Variants in SESTD1 observed in about 807,000 individuals in gnomAD.
The protein encoded by SESTD1 is SEC14 and spectrin domain containing 1.
SESTD1 carries 43 observed loss-of-function variants against 101.7 expected under a neutral mutation model. The ratio of observed to expected loss-of-function variants is 0.42; its 90% confidence interval spans 0.33 to 0.55. The LOEUF is 0.55. Among genes scored for constraint, SESTD1 ranks in the 20% least tolerant of loss-of-function variants. SESTD1 has a pLI of 0.07. For missense variants in SESTD1, 647 were observed against 815.1 expected (o/e 0.79, Z 2.51); for synonymous variants, 283 against 286.8 (o/e 0.99, Z 0.13).
At chr2:179,187,718 G>C (rs933102733) in intron 2 of SESTD1, among the ~76,000 whole-genome samples, 1 of 152,070 alleles carries the variant, frequency 6.6e-6, no homozygotes, top group African/African-American at 2.4e-5. Context: ...CAGGTTCAAA[G>C]AAAAGGGTTG....
At chr2:179,261,693 C>T (rs1306266296) in intron 1 of SESTD1, among the ~76,000 whole-genome samples, 1 of 151,874 alleles carries the variant, frequency 6.6e-6, no homozygotes, top group Non-Finnish European at 1.5e-5. Context: ...ATTGCTATAA[C>T]CCTACATTGC....
rs1312354379 is a variant in SESTD1 at position 179,103,181 on chromosome 2, A to G, written c.*6718T>C. The G allele has an allele frequency of 6.6e-6, 1 of 152,168 alleles. No individual in the cohort carries two copies. Among genetic ancestry groups the G allele is most frequent in the Non-Finnish European group, 1.5e-5 (1 of 68,024 alleles). 9.4% of individuals were successfully genotyped at this position (152,168 alleles called of 1,614,324 possible). A position where few individuals can be genotyped will look rare whatever the true frequency, so the allele number is the denominator to read the frequency against. ...ATATTGCTAAAGTTTCAGGCATAGGAACCCCTTGAGGAGCTGTCTGGGGCA... is the reference window on the plus strand; with the variant it reads ...ATATTGCTAAAGTTTCAGGCATAGGGACCCCTTGAGGAGCTGTCTGGGGCA... On this transcript the variant is annotated 3_prime_UTR_variant, in exon 18 of 18. Transcript: ENST00000428443.
intron 1 of SESTD1, among the ~76,000 whole-genome samples, chr2:179,222,842 G>A (rs1287306927): frequency 6.6e-6 from 1 of 152,124 alleles, no homozygotes; most frequent in Non-Finnish European, 1.5e-5. Flanking sequence ...CTAGGCTCCT[G>A]CAACTCTGTC....
chr2:179,220,928 A>C (rs114272858), intron 1 of SESTD1, among the ~76,000 whole-genome samples: 3,212 of 152,294 alleles, frequency 0.021, 98 homozygotes, highest in African/African-American at 0.074. Context: ...ATTTAAATGC[A>C]TTCGGAACAG....
intron 1 of SESTD1, among the ~76,000 whole-genome samples, chr2:179,254,334 C>T (rs1011534487): frequency 1.3e-5 from 2 of 152,038 alleles, no homozygotes; most frequent in Admixed American, 6.5e-5. Context: ...CTTTTTCCAC[C>T]AACCTCCTTT....
At chr2:179,161,945 C>T (rs771749552) in intron 5 of SESTD1, among the ~76,000 whole-genome samples, 6 of 152,040 alleles carry the variant, frequency 3.9e-5, no homozygotes, top group African/African-American at 1.2e-4. Flanking sequence ...TTTTAGAGTA[C>T]TAAAGACATC....
rs1317723084 is a variant in SESTD1, at chr2:179,183,138, C to T, written c.106G>A (p.Glu36Lys). 6 of 1,611,822 alleles carry T rather than the reference C, an allele frequency of 3.7e-6. No individual in the cohort carries two copies. Among genetic ancestry groups the T allele is most frequent in the Admixed American group, 1.7e-5 (1 of 59,690 alleles). ...GLILTIPLCL[E>K]QTNMDELSVT... Reference sequence around the variant, plus strand: ...CTCAGCTCATCCATATTTGTCTGTTCGAGGCATAATGGAATTGTCAAAATG... The same window carrying T: ...CTCAGCTCATCCATATTTGTCTGTTTGAGGCATAATGGAATTGTCAAAATG... The change falls in exon 3 of 18, where the codon GAA becomes AAA. Residue 36 changes from glutamate to lysine, a missense_variant. Glu to Lys is a moderately conservative substitution (Grantham distance 56). Coordinates refer to ENST00000428443, the MANE Select transcript of SESTD1 (RefSeq NM_178123.5).
At chr2:179,192,390 C>T (rs1002249974) in intron 1 of SESTD1, among the ~76,000 whole-genome samples, 1 of 152,162 alleles carries the variant, frequency 6.6e-6, no homozygotes, top group Non-Finnish European at 1.5e-5. Context: ...TCCCCTATAA[C>T]ACATGGTACC....
chr2:179,259,692 A>G (rs1018058126), intron 1 of SESTD1, among the ~76,000 whole-genome samples: 8 of 152,204 alleles, frequency 5.3e-5, no homozygotes, highest in African/African-American at 1.9e-4. Flanking sequence ...ATAGAACTCA[A>G]CATCTCAGGT....
In SESTD1 at chr2:179,106,690, C is replaced by G. The variant is rs1314379023; in HGVS notation, c.*3209G>C. The stretch of plus-strand genomic sequence containing the variant: ...TATAAAGTGAGAAGTATTCAATCTT[C>G]TACCTAACAATGAAGCCTAGACCTG... On this transcript the variant is annotated 3_prime_UTR_variant, in exon 18 of 18. Transcript: ENST00000428443. The G allele has an allele frequency of 6.6e-6, 1 of 152,172 alleles. No homozygotes were observed. Among genetic ancestry groups the G allele is most frequent in the Non-Finnish European group, 1.5e-5 (1 of 68,028 alleles). The allele number at this position is 152,172 out of a possible 1,614,324, so 9.4% of individuals were successfully genotyped here.
chr2:179,184,495 A>T (rs1019381436), intron 2 of SESTD1, among the ~76,000 whole-genome samples: 7 of 152,128 alleles, frequency 4.6e-5, no homozygotes, highest in Non-Finnish European at 8.8e-5. Context: ...AAGGTGATTC[A>T]ACTTAGTAAT....
chr2:179,110,054 C>T, intron 17 of SESTD1, 26 bp from the exon 18 acceptor site: 17 of 1,610,386 alleles, frequency 1.1e-5, no homozygotes, highest in Non-Finnish European at 1.4e-5. Context: ...CACAGAAAAA[C>T]CTCAGATTAA....
intron 17 of SESTD1, among the ~76,000 whole-genome samples, chr2:179,111,019 C>T (rs1331592600): frequency 6.6e-6 from 1 of 152,060 alleles, no homozygotes; most frequent in Non-Finnish European, 1.5e-5. Flanking sequence ...AGCAAGCATA[C>T]CAGGGAGAGG....
rs2046014959 is a variant in SESTD1 at position 179,176,490 on chromosome 2, T to A, written c.213A>T (p.Lys71Asn). ...CTGTTTTCACCACATTCCACTGTGA[T>A]TTTCTGCCATCCACAATCACGGTAA... ...RGFTVIVDGR[K>N]SQWNVVKTVV... The change falls in exon 4 of 18, where the codon AAA (lysine) becomes AAT (asparagine). Residue 71 changes from lysine (K) to asparagine (N), a missense_variant. Transcript: ENST00000428443. The A allele has an allele frequency of 6.2e-7, 1 of 1,613,510 alleles. No individual in the cohort carries two copies. The highest frequency in any genetic ancestry group is 1.3e-5 in the African/African-American group (1 of 74,930).
intron 5 of SESTD1, among the ~76,000 whole-genome samples, chr2:179,161,599 T>C (rs1353641246): frequency 6.6e-6 from 1 of 151,082 alleles, no homozygotes; most frequent in Non-Finnish European, 1.5e-5. Flanking sequence ...GAGGTGGAGG[T>C]TGCAGGGAGC....
intron 10 of SESTD1, among the ~76,000 whole-genome samples, chr2:179,125,903 G>T (rs2044862800): frequency 6.6e-6 from 1 of 152,118 alleles, no homozygotes; most frequent in Non-Finnish European, 1.5e-5. Flanking sequence ...CCTCAGAGCT[G>T]TAATAATCAG....
intron 6 of SESTD1, 64 bp from the exon 7 acceptor site, chr2:179,149,458 G>T: frequency 2.6e-6 from 3 of 1,143,748 alleles, no homozygotes; most frequent in Non-Finnish European, 3.7e-6. Context: ...AATAAGGATT[G>T]TCAGTTAAGA....
intron 1 of SESTD1, among the ~76,000 whole-genome samples, chr2:179,196,189 G>C (rs905738652): frequency 1.3e-5 from 2 of 152,200 alleles, no homozygotes; most frequent in African/African-American, 2.4e-5. Context: ...CAAAGAACGG[G>C]GTGACAGATG....
At chr2:179,198,166 T>C (rs893525528) in intron 1 of SESTD1, among the ~76,000 whole-genome samples, 2 of 152,162 alleles carry the variant, frequency 1.3e-5, no homozygotes, top group Non-Finnish European at 2.9e-5. Flanking sequence ...AATCCTAGTC[T>C]CTGACAAAAC....
Sources: allele counts gnomAD v4.1 joint callset (sites outside exome capture counted in the v4.1 genomes callset), GRCh38; gene constraint gnomAD v4.1.1; transcripts MANE v1.5; gene names NCBI Gene and HGNC (gene_info 2026-07-23, HGNC 2026-07-21).